The following EPHB2 variants were observed in gnomAD, a reference collection of about 807,000 sequenced individuals.
EPHB2 encodes EPH receptor B2, also known as ephrin type-B receptor 2.
EPHB2 carries 18 observed loss-of-function variants against 96.4 expected under a neutral mutation model. The ratio of observed to expected loss-of-function variants is 0.19; its 90% CI spans 0.13 to 0.28. The LOEUF (loss-of-function observed/expected upper bound fraction) is 0.28. Ranked by LOEUF, EPHB2 falls within the 10% of genes least tolerant of loss-of-function variation. The pLI is 1.00. For synonymous variants in EPHB2, 506 were observed against 534.1 expected (o/e 0.95, Z 0.72); for missense variants, 989 against 1,355.4 (o/e 0.73, Z 4.25).
At chr1:22,905,110 C>T (rs967080719) in intron 9 of EPHB2, among the ~76,000 whole-genome samples, 2 of 152,174 alleles carry the variant, frequency 1.3e-5, no homozygotes, top group Admixed American at 6.5e-5. Flanking sequence ...TCATCTTTCC[C>T]TTCTTTCAAA....
At chr1:22,843,902 CAT>C (rs1553169560) in intron 3 of EPHB2, among the ~76,000 whole-genome samples, 2 of 152,254 alleles carry the variant, frequency 1.3e-5, no homozygotes, top group Non-Finnish European at 2.9e-5. Flanking sequence ...TAAGTGAGAA[CAT>C]GTGGTATTTG....
At chr1:22,859,137 CAATA>C (rs960224368) in intron 3 of EPHB2, among the ~76,000 whole-genome samples, 66 of 152,164 alleles carry the variant, frequency 4.3e-4, no homozygotes, top group African/African-American at 1.4e-3. Flanking sequence ...GACTCCGTCT[CAATA>C]AATAAATAAA....
intron 5 of EPHB2, among the ~76,000 whole-genome samples, chr1:22,877,590 G>C (rs1638883717): frequency 6.6e-6 from 1 of 152,102 alleles, no homozygotes. Flanking sequence ...GCTGCTCCAA[G>C]ACCCTCTGAG....
chr1:22,815,547 C>T (rs908063266), intron 3 of EPHB2, among the ~76,000 whole-genome samples: 6 of 152,208 alleles, frequency 3.9e-5, no homozygotes, highest in Admixed American at 1.3e-4. Flanking sequence ...AGCCAGCCCA[C>T]GCTGGAGGCT....
At chr1:22,731,982 T>G (rs535181704) in intron 1 of EPHB2, among the ~76,000 whole-genome samples, 1 of 152,338 alleles carries the variant, frequency 6.6e-6, no homozygotes, top group South Asian at 2.1e-4. Context: ...GAAGGATCTC[T>G]TGGGTCTCAG....
At chr1:22,869,149 C>T (rs1429349640) in intron 5 of EPHB2, among the ~76,000 whole-genome samples, 1 of 152,042 alleles carries the variant, frequency 6.6e-6, no homozygotes, top group Non-Finnish European at 1.5e-5. Context: ...CTGCTCAGAG[C>T]CCAGCTGGGG....
At chr1:22,737,821 A>G (rs1445280344) in intron 1 of EPHB2, among the ~76,000 whole-genome samples, 1 of 152,206 alleles carries the variant, frequency 6.6e-6, no homozygotes, top group African/African-American at 2.4e-5. Context: ...TGCCCATGAA[A>G]ATAACTTCCC....
rs767807199 is a variant in EPHB2 at position 22,910,514 on chromosome 1, A to G, written c.2635A>G (p.Thr879Ala). The G allele has an allele frequency of 1.2e-6, 2 of 1,614,212 alleles. No homozygotes were observed. The highest frequency in any genetic ancestry group is 1.1e-5 in the South Asian group (1 of 91,086). Reference protein sequence around the residue: ...HRPKFGQIVNTLDKMIRNPNS... With the variant: ...HRPKFGQIVNALDKMIRNPNS... ...GCCCAAGTTCGGCCAAATTGTCAAC[A>G]CGCTAGACAAGATGATCCGCAATCC... The change falls in exon 14 of 16, where the codon ACG becomes GCG. Residue 879 changes from threonine (T) to alanine (A), a missense_variant. Coordinates refer to ENST00000374630, the MANE Select transcript of EPHB2 (RefSeq NM_017449.5).
intron 3 of EPHB2, among the ~76,000 whole-genome samples, chr1:22,824,445 A>G (rs1570343884): frequency 3.9e-5 from 6 of 152,078 alleles, no homozygotes; most frequent in Admixed American, 3.9e-4. Context: ...GCTGTTGTGT[A>G]TTGGGCCCCA....
At chr1:22,909,341 C>G (rs564250699) in intron 13 of EPHB2, among the ~76,000 whole-genome samples, 170 bp downstream of exon 13, 53 of 152,228 alleles carry the variant, frequency 3.5e-4, no homozygotes, top group Non-Finnish European at 6.6e-4. Context: ...ATTCGAATGT[C>G]TGCACAGGAC....
intron 3 of EPHB2, among the ~76,000 whole-genome samples, chr1:22,853,164 C>T (rs927803495): frequency 6.6e-5 from 10 of 152,236 alleles, no homozygotes; most frequent in African/African-American, 9.6e-5. Flanking sequence ...TCCTGGCTAA[C>T]ACAGTGAAAT....
chr1:22,781,308 A>G (rs1644527713), intron 1 of EPHB2, 113 bp from the exon 2 acceptor site: 1 of 1,065,794 alleles, frequency 9.4e-7, no homozygotes, highest in Non-Finnish European at 1.4e-6. Context: ...CGACAGAGCC[A>G]GACTCCGTCT....
intron 3 of EPHB2, among the ~76,000 whole-genome samples, chr1:22,853,468 T>C: frequency 6.6e-6 from 1 of 152,200 alleles, no homozygotes. Flanking sequence ...CCATCCTGTA[T>C]ACTCATGCAG....
chr1:22,835,596 A>G (rs1346653767), intron 3 of EPHB2: 1 of 152,260 alleles, frequency 6.6e-6, no homozygotes, highest in Non-Finnish European at 1.5e-5. Flanking sequence ...AGAAAATGGG[A>G]TAAGAACATG....
Position 22,733,802 on chromosome 1 carries a change from C to G in EPHB2, c.61+22759C>G, listed in dbSNP as rs2148355139. Among the ~76,000 whole-genome samples the G allele has an allele frequency of 6.6e-6, 1 of 152,128 alleles. No homozygotes were observed. The highest frequency in any genetic ancestry group is 2.1e-4 in the South Asian group (1 of 4,816). ...GTGGGGACAGAGCTAGAAGTTGAAC[C>G]CGGGACTGGATTCTTGGCCTGGTAT... On this transcript the variant is annotated intron_variant, in intron 1 of 15. Transcript: ENST00000374630. This position sits in a 1 kb window ranked among gnomAD's most constrained non-coding sequence, Gnocchi z 4.6.
chr1:22,760,815 A>C (rs1423911751), intron 1 of EPHB2, among the ~76,000 whole-genome samples: 1 of 152,140 alleles, frequency 6.6e-6, no homozygotes. Flanking sequence ...TTAGGATGAC[A>C]GGCTTGGGAG....
chr1:22,722,152 T>C (rs1643481905), intron 1 of EPHB2, among the ~76,000 whole-genome samples: 1 of 132,472 alleles, frequency 7.5e-6, no homozygotes, highest in African/African-American at 2.6e-5. Flanking sequence ...CCTACCACCA[T>C]GCCCAGCATT....
intron 3 of EPHB2, among the ~76,000 whole-genome samples, chr1:22,820,319 C>T (rs980762140): frequency 6.6e-6 from 1 of 152,136 alleles, no homozygotes; most frequent in Non-Finnish European, 1.5e-5. Flanking sequence ...CATGGGGCTC[C>T]TAGGGCAGAG....
rs1416162450 is a variant in EPHB2, at chr1:22,913,676, A to G, written c.*106A>G. The G allele has an allele frequency of 1.2e-6, 2 of 1,604,168 alleles. No homozygotes were observed. The highest frequency in any genetic ancestry group is 1.7e-6 in the Non-Finnish European group (2 of 1,175,476). The stretch of plus-strand genomic sequence containing the variant: ...ACTGCAGGGCCAGCCACTCGCCAGG[A>G]GGCCACGGGCCACGGGAAGAACCAA... On this transcript the variant is annotated 3_prime_UTR_variant, in exon 16 of 16. Coordinates refer to ENST00000374630, the MANE Select transcript of EPHB2 (RefSeq NM_017449.5). This position sits in a 1 kb window ranked among gnomAD's most constrained non-coding sequence, Gnocchi z 4.1.
Sources: gnomAD v4.1 joint callset for allele counts (sites outside exome capture counted in the v4.1 genomes callset) on GRCh38, gnomAD v4.1.1 for gene constraint, Gnocchi (gnomAD v3.1) non-coding constraint, MANE v1.5 for transcripts, NCBI Gene and HGNC (gene_info 2026-07-23, HGNC 2026-07-21) for gene names.